The following ZNF385D variants were observed in gnomAD, a reference collection of about 807,000 sequenced individuals.
ZNF385D encodes zinc finger protein 385D, also known as zinc finger protein 659.
ZNF385D carries 15 observed loss-of-function variants against 35.8 expected under a neutral mutation model. The ratio of observed to expected loss-of-function variants is 0.42; its 90% CI spans 0.28 to 0.64. The LOEUF (loss-of-function observed/expected upper bound fraction) is 0.64. Ranked by LOEUF, ZNF385D falls within the 30% of genes least tolerant of loss-of-function variation. The pLI is 0.23. For missense variants in ZNF385D, 474 were observed against 494.6 expected (o/e 0.96, Z 0.39); for synonymous variants, 212 against 186.8 (o/e 1.13, Z -1.10).
intron 2 of ZNF385D, among the ~76,000 whole-genome samples, chr3:22,225,573 C>T (rs1698506671): frequency 6.6e-6 from 1 of 152,056 alleles, no homozygotes; most frequent in Non-Finnish European, 1.5e-5. Flanking sequence ...ACACTGGCTC[C>T]CAGAGTTTCT....
intron 1 of ZNF385D, among the ~76,000 whole-genome samples, chr3:21,665,853 A>G (rs939991347): frequency 3.3e-5 from 5 of 152,194 alleles, no homozygotes; most frequent in African/African-American, 1.2e-4. Context: ...AGTCTCCCAT[A>G]TTTTGGTAAC....
At chr3:22,020,261 C>G (rs1487037418) in intron 3 of ZNF385D, among the ~76,000 whole-genome samples, 10 of 151,822 alleles carry the variant, frequency 6.6e-5, no homozygotes, top group African/African-American at 2.4e-4. Context: ...CCAGCAAGGT[C>G]TCTACAGAAA....
intron 3 of ZNF385D, among the ~76,000 whole-genome samples, chr3:22,149,515 C>A (rs1255416739): frequency 6.6e-6 from 1 of 152,168 alleles, no homozygotes; most frequent in African/African-American, 2.4e-5. Context: ...CCTAGAGTTT[C>A]TGATACAATA....
chr3:22,164,538 T>C (rs1286033850), intron 3 of ZNF385D, among the ~76,000 whole-genome samples: 1 of 151,826 alleles, frequency 6.6e-6, no homozygotes, highest in Non-Finnish European at 1.5e-5. Flanking sequence ...AAAGGAACAC[T>C]TTTTAAAGGG....
intron 1 of ZNF385D, among the ~76,000 whole-genome samples, chr3:21,723,967 C>G (rs1255999593): frequency 6.6e-6 from 1 of 152,150 alleles, no homozygotes. Context: ...AGGAACCCTA[C>G]AAGCCAGAAG....
At chr3:21,836,713 G>C (rs1013137190) in intron 3 of ZNF385D, among the ~76,000 whole-genome samples, 1 of 152,118 alleles carries the variant, frequency 6.6e-6, no homozygotes, top group Admixed American at 6.6e-5. Flanking sequence ...TAGACACTAA[G>C]ATTTGAATTT....
At chr3:21,641,118 G>A (rs1307823967) in intron 2 of ZNF385D, among the ~76,000 whole-genome samples, 5 of 152,068 alleles carry the variant, frequency 3.3e-5, no homozygotes, top group African/African-American at 1.2e-4. Context: ...TGGAAGTAGA[G>A]TTATGGTTTT....
intron 2 of ZNF385D, among the ~76,000 whole-genome samples, chr3:22,204,090 C>T (rs1265808678): frequency 1.3e-5 from 2 of 152,144 alleles, no homozygotes; most frequent in Non-Finnish European, 2.9e-5. Flanking sequence ...GTGGTGGCCA[C>T]AGGGTTGCTT....
intron 3 of ZNF385D, among the ~76,000 whole-genome samples, chr3:22,135,335 C>T (rs1704041236): frequency 7.0e-6 from 1 of 143,006 alleles, no homozygotes; most frequent in Admixed American, 6.7e-5. Context: ...TACACACATA[C>T]CCCAACATAC....
At chr3:22,123,931 T>TCC (rs1228044123) in intron 3 of ZNF385D, among the ~76,000 whole-genome samples, 1 of 76,668 alleles carries the variant, frequency 1.3e-5, no homozygotes, top group East Asian at 4.3e-4. Context: ...CATCTCTCTC[T>TCC]CTCTCTCTCT....
At chr3:22,236,027 A>C (rs1416449803) in intron 2 of ZNF385D, among the ~76,000 whole-genome samples, 1 of 152,190 alleles carries the variant, frequency 6.6e-6, no homozygotes, top group African/African-American at 2.4e-5. Flanking sequence ...GAATCATTGC[A>C]ACATTGATTG....
chr3:21,973,378 TA>T (rs1446519169), intron 3 of ZNF385D, among the ~76,000 whole-genome samples: 3 of 151,862 alleles, frequency 2.0e-5, no homozygotes, highest in African/African-American at 4.8e-5. Context: ...TCCTTCATAA[TA>T]AAAAACTCTG....
chr3:22,124,473 G>A (rs1703309962), intron 3 of ZNF385D, among the ~76,000 whole-genome samples: 1 of 74,658 alleles, frequency 1.3e-5, no homozygotes, highest in Non-Finnish European at 2.6e-5. Flanking sequence ...TCACACAGTA[G>A]TTCTATTTTT....
intron 2 of ZNF385D, among the ~76,000 whole-genome samples, chr3:21,620,568 T>A (rs1227979544): frequency 6.6e-6 from 1 of 152,156 alleles, no homozygotes; most frequent in Non-Finnish European, 1.5e-5. Context: ...CTTTAGCACG[T>A]CAGCCTGTCC....
At chr3:21,653,782 G>A (rs999744992) in intron 2 of ZNF385D, among the ~76,000 whole-genome samples, 4 of 151,752 alleles carry the variant, frequency 2.6e-5, no homozygotes, top group African/African-American at 7.3e-5. Context: ...AAAAAAAAAG[G>A]CATTTTCTTT....
chr3:21,460,774 G>T (rs998432203), intron 4 of ZNF385D, among the ~76,000 whole-genome samples: 8 of 151,984 alleles, frequency 5.3e-5, no homozygotes, highest in Non-Finnish European at 1.0e-4. Context: ...TTCATTTGGG[G>T]TCATAATGTA....
At chr3:21,609,663 T>C (rs190208170) in intron 2 of ZNF385D, among the ~76,000 whole-genome samples, 2 of 152,280 alleles carry the variant, frequency 1.3e-5, no homozygotes, top group East Asian at 1.9e-4. Flanking sequence ...ACAGTGGTAA[T>C]AGTCACTGGT....
At chr3:22,006,010 A>T (rs544560268) in intron 3 of ZNF385D, among the ~76,000 whole-genome samples, 1 of 151,930 alleles carries the variant, frequency 6.6e-6, no homozygotes, top group Admixed American at 6.6e-5. Context: ...TGTCTTTTTG[A>T]GCTTTGACTA....
At chr3:21,978,690 G>C (rs1020419739) in intron 3 of ZNF385D, among the ~76,000 whole-genome samples, 4 of 151,990 alleles carry the variant, frequency 2.6e-5, no homozygotes, top group Admixed American at 2.6e-4. Flanking sequence ...TATGTCTCTA[G>C]ATAGCTCATT....
Sources: gnomAD v4.1 joint callset for allele counts (sites outside exome capture counted in the v4.1 genomes callset) on GRCh38, gnomAD v4.1.1 for gene constraint, MANE v1.5 for transcripts, NCBI Gene and HGNC (gene_info 2026-07-23, HGNC 2026-07-21) for gene names.